PTPRD: variants seen among roughly 807,000 people sequenced by gnomAD.
The protein encoded by PTPRD is protein tyrosine phosphatase receptor type D.
PTPRD carries 34 observed loss-of-function variants against 214.5 expected under a neutral mutation model. The ratio of observed to expected loss-of-function variants is 0.16; its 90% CI spans 0.12 to 0.21. PTPRD has a LOEUF of 0.21. PTPRD is among the 10% of genes least tolerant of loss of function. The pLI, the probability that PTPRD is intolerant of heterozygous loss-of-function variation, is 1.00. For synonymous variants in PTPRD, 1,128 were observed against 845.7 expected, an observed-to-expected ratio of 1.33 and a Z score of -5.79; for missense variants, 2,545 against 2,398.7, an observed-to-expected ratio of 1.06 and a Z score of -1.27.
At chr9:9,248,769 C>T (rs1036743181) in intron 9 of PTPRD, among the ~76,000 whole-genome samples, 3 of 151,962 alleles carry the variant, frequency 2.0e-5, no homozygotes, top group African/African-American at 7.2e-5. Context: ...TTGGGTGTTG[C>T]AAAAAGGCAC....
At chr9:8,385,877 C>T (rs2086831859) in intron 37 of PTPRD, among the ~76,000 whole-genome samples, 1 of 152,092 alleles carries the variant, frequency 6.6e-6, no homozygotes, top group Non-Finnish European at 1.5e-5. Flanking sequence ...CATGGGTGTG[C>T]CACACTGGGA....
chr9:9,880,484 C>A (rs1034821705), intron 5 of PTPRD, among the ~76,000 whole-genome samples: 5 of 152,112 alleles, frequency 3.3e-5, no homozygotes, highest in Non-Finnish European at 7.4e-5. Flanking sequence ...TAATTCTAAA[C>A]AGTATAGAAT....
chr9:8,429,001 T>C (rs779619177), intron 35 of PTPRD, among the ~76,000 whole-genome samples: 34 of 152,204 alleles, frequency 2.2e-4, no homozygotes, highest in Non-Finnish European at 2.8e-4. Flanking sequence ...AGAAATACAA[T>C]GTTTACTATC....
intron 14 of PTPRD, among the ~76,000 whole-genome samples, chr9:8,591,702 T>G (rs1299934666): frequency 6.6e-6 from 1 of 152,070 alleles, no homozygotes; most frequent in Non-Finnish European, 1.5e-5. Flanking sequence ...AATGAAAGAG[T>G]TGCCATTCCA....
intron 8 of PTPRD, among the ~76,000 whole-genome samples, chr9:9,457,477 A>G (rs2093173145): frequency 2.0e-5 from 3 of 151,980 alleles, no homozygotes; most frequent in Admixed American, 2.0e-4. Context: ...TTGGGGTTAA[A>G]GAACATAAAA....
intron 2 of PTPRD, among the ~76,000 whole-genome samples, chr9:10,410,368 G>A (rs2098422067): frequency 1.3e-5 from 2 of 149,026 alleles, no homozygotes; most frequent in African/African-American, 2.5e-5. Flanking sequence ...TCTATCTTAA[G>A]TCTTCAACCC....
chr9:9,002,012 T>TG (rs568081537), intron 11 of PTPRD, among the ~76,000 whole-genome samples: 19 of 51,506 alleles, frequency 3.7e-4, no homozygotes, highest in East Asian at 3.2e-3. Flanking sequence ...GTGTCGGGGG[T>TG]GGGGGGGTGT....
chr9:8,909,246 C>T (rs1183524207), intron 11 of PTPRD, among the ~76,000 whole-genome samples: 2 of 152,000 alleles, frequency 1.3e-5, no homozygotes, highest in Non-Finnish European at 2.9e-5. Context: ...AGAACACTCC[C>T]AAACTCATTC....
intron 11 of PTPRD, among the ~76,000 whole-genome samples, chr9:8,900,286 C>T (rs1018086087): frequency 6.6e-6 from 1 of 152,140 alleles, no homozygotes; most frequent in Non-Finnish European, 1.5e-5. Context: ...AACAGGTTAT[C>T]ATACCATTAA....
chr9:8,432,809 T>C (rs1163959072), intron 35 of PTPRD, among the ~76,000 whole-genome samples: 2 of 152,210 alleles, frequency 1.3e-5, no homozygotes, highest in Non-Finnish European at 2.9e-5. Flanking sequence ...AGTCAATTCA[T>C]GCCCAGGGAG....
chr9:8,905,696 G>A (rs1412774604), intron 11 of PTPRD, among the ~76,000 whole-genome samples: 1 of 144,886 alleles, frequency 6.9e-6, no homozygotes, highest in Admixed American at 7.0e-5. Context: ...CCGGAATCAC[G>A]CCACTGCATT....
intron 3 of PTPRD, among the ~76,000 whole-genome samples, chr9:10,300,444 C>A (rs1335121990): frequency 2.0e-5 from 3 of 152,160 alleles, no homozygotes; most frequent in African/African-American, 7.2e-5. Flanking sequence ...GGGCTGAAGC[C>A]AGAGACACAA....
At chr9:9,493,423 G>A (rs1455920234) in intron 8 of PTPRD, among the ~76,000 whole-genome samples, 4 of 152,118 alleles carry the variant, frequency 2.6e-5, no homozygotes, top group Non-Finnish European at 5.9e-5. Flanking sequence ...TTTCATGGCT[G>A]GTACCACAAT....
chr9:10,431,175 T>A (rs538750826), intron 2 of PTPRD, among the ~76,000 whole-genome samples: 1 of 152,014 alleles, frequency 6.6e-6, no homozygotes, highest in Admixed American at 6.6e-5. Context: ...TTTCTTATTT[T>A]CCTAAATTTC....
At position 9,601,331 on chromosome 9, in the gene PTPRD, G is replaced by A. The variant is rs901148048; in HGVS notation, c.-286-26550C>T. On this transcript the variant is annotated intron_variant, in intron 7 of 45. Transcript: ENST00000381196. ...AAGCTGAAAATTGACACTGATAGTT[G>A]CTAATTTTCCAGGAACAGTGACCTT... Among the ~76,000 whole-genome samples, 3 of 151,932 alleles carry A rather than the reference G, an allele frequency of 2.0e-5. No individual in the cohort carries two copies. The East Asian group carries it at 5.8e-4, about 29-fold the overall frequency.
At chr9:9,217,527 G>A (rs776819551) in intron 9 of PTPRD, among the ~76,000 whole-genome samples, 2 of 152,042 alleles carry the variant, frequency 1.3e-5, no homozygotes, top group Admixed American at 6.6e-5. Context: ...TCTCATCTGG[G>A]AGTATATTGG....
At chr9:10,174,336 A>T (rs2099232360) in intron 3 of PTPRD, among the ~76,000 whole-genome samples, 1 of 152,064 alleles carries the variant, frequency 6.6e-6, no homozygotes, top group African/African-American at 2.4e-5. Flanking sequence ...ACAGCCTGGA[A>T]ATTCATCCAT....
intron 3 of PTPRD, among the ~76,000 whole-genome samples, chr9:10,234,410 C>T (rs561352074): frequency 6.6e-6 from 1 of 151,894 alleles, no homozygotes; most frequent in South Asian, 2.1e-4. Flanking sequence ...CCTTAACATA[C>T]ATATTTCCCT....
intron 7 of PTPRD, among the ~76,000 whole-genome samples, chr9:9,587,814 A>G (rs1244537888): frequency 6.6e-6 from 1 of 152,012 alleles, no homozygotes; most frequent in Non-Finnish European, 1.5e-5. Flanking sequence ...TTGATCTCAT[A>G]GAGAATAGAA....
Sources: gnomAD v4.1 joint callset for allele counts (sites outside exome capture counted in the v4.1 genomes callset) on GRCh38, gnomAD v4.1.1 for gene constraint, MANE v1.5 for transcripts, NCBI Gene and HGNC (gene_info 2026-07-23, HGNC 2026-07-21) for gene names.